PPA2: variants seen among roughly 807,000 people sequenced by gnomAD.
PPA2 encodes the protein inorganic pyrophosphatase 2.
A neutral mutation model predicts 49.5 loss-of-function variants in PPA2; 48 were observed. That is an observed-to-expected ratio of 0.97 (90% confidence interval 0.77 to 1.23). The LOEUF is 1.23. Among genes scored for constraint, PPA2 ranks in the 50% most tolerant of loss-of-function variants. The pLI is 0.00. For missense variants in PPA2, 429 were observed against 410.1 expected, an observed-to-expected ratio of 1.05 and a Z score of -0.40; for synonymous variants, 131 against 139.9, an observed-to-expected ratio of 0.94 and a Z score of 0.45.
At chr4:105,401,685 G>T (rs1456226653) in intron 7 of PPA2, among the ~76,000 whole-genome samples, 2 of 152,144 alleles carry the variant, frequency 1.3e-5, no homozygotes, top group Non-Finnish European at 2.9e-5. Flanking sequence ...ATCCAATAAA[G>T]TTAGGATAAT....
At chr4:105,387,193 T>C (rs953342424) in intron 9 of PPA2, among the ~76,000 whole-genome samples, 1 of 152,126 alleles carries the variant, frequency 6.6e-6, no homozygotes, top group Non-Finnish European at 1.5e-5. Flanking sequence ...TCAAAAGCCT[T>C]TCCTATACCT....
At position 105,424,185 on chromosome 4, in the gene PPA2, AACAGT is replaced by A; in HGVS notation, c.655+6_655+10del. 6.3e-7 allele frequency: 1 copy of A among 1,596,750 alleles called. No homozygotes were observed. The highest frequency in any genetic ancestry group is 8.5e-7 in the Non-Finnish European group (1 of 1,176,078). On this transcript the variant is annotated splice_donor_region_variant and intron_variant, in intron 7 of 11. Coordinates refer to ENST00000341695, the MANE Select transcript of PPA2 (RefSeq NM_176869.3). ...AATTTGCTTTCACTTTCTGGAAAGT[AACAGT>A]CTTACCATGAAACTTTGAGGCTTCA...
intron 7 of PPA2, among the ~76,000 whole-genome samples, chr4:105,418,050 G>A (rs1723091168): frequency 6.6e-6 from 1 of 152,158 alleles, no homozygotes; most frequent in South Asian, 2.1e-4. Flanking sequence ...GTTGTGTGAA[G>A]ATTAAACATA....
intron 1 of PPA2, among the ~76,000 whole-genome samples, chr4:105,472,898 T>C (rs1445157055): frequency 1.3e-5 from 2 of 152,230 alleles, no homozygotes; most frequent in Non-Finnish European, 2.9e-5. Flanking sequence ...TGTCATGTAA[T>C]ACTTGCAGCC....
rs1734139497 is a variant in PPA2, at chr4:105,396,269, A to G, written c.849T>C (p.Cys283=). 6.3e-7 allele frequency: 1 copy of G among 1,592,144 alleles called. No individual in the cohort carries two copies. The highest frequency in any genetic ancestry group is 8.6e-7 in the Non-Finnish European group (1 of 1,167,828). ...QCWKALLMKK[C]NGGAINCTNV... is the part of the protein sequence containing the mutation. ...CTTACCAATTTATAGCTCCTCCATT[A>G]CACTTCTTCATAAGCAATGCTTTCC... Residue 283 remains cysteine (C), a synonymous_variant, in exon 9 of 12, where the codon TGT becomes TGC. Transcript: ENST00000341695.
intron 6 of PPA2, among the ~76,000 whole-genome samples, chr4:105,437,360 A>G (rs1335362684): frequency 1.3e-5 from 2 of 152,174 alleles, no homozygotes; most frequent in Admixed American, 1.3e-4. Context: ...CAATAAACGT[A>G]GTAGAAAATA....
At chr4:105,420,212 TCTGC>T in intron 7 of PPA2, among the ~76,000 whole-genome samples, 1 of 152,300 alleles carries the variant, frequency 6.6e-6, no homozygotes, top group Non-Finnish European at 1.5e-5. Flanking sequence ...CCTCAGGTGA[TCTGC>T]CTGCCTTGGC....
At chr4:105,377,116 T>C (rs902062528) in intron 10 of PPA2, among the ~76,000 whole-genome samples, 25 of 152,266 alleles carry the variant, frequency 1.6e-4, no homozygotes, top group African/African-American at 5.5e-4. Context: ...TTAAAGTCTC[T>C]GAAAGTAGGA....
At chr4:105,462,049 T>G (rs1242148778) in intron 1 of PPA2, among the ~76,000 whole-genome samples, 5 of 152,250 alleles carry the variant, frequency 3.3e-5, no homozygotes. Flanking sequence ...AAGGTGGATT[T>G]AAAGATATGT....
chr4:105,460,274 T>G (rs1454854912), intron 1 of PPA2, among the ~76,000 whole-genome samples: 1 of 152,168 alleles, frequency 6.6e-6, no homozygotes, highest in African/African-American at 2.4e-5. Flanking sequence ...TGTAAGTAAT[T>G]CAAAGAGGAT....
chr4:105,377,318 C>A (rs1268352058), intron 10 of PPA2, among the ~76,000 whole-genome samples: 1 of 152,122 alleles, frequency 6.6e-6, no homozygotes, highest in Non-Finnish European at 1.5e-5. Context: ...GACAATAAAA[C>A]CCAACATTTA....
chr4:105,402,303 A>T (rs576285414), intron 7 of PPA2, among the ~76,000 whole-genome samples: 29 of 152,252 alleles, frequency 1.9e-4, no homozygotes, highest in Admixed American at 1.9e-3. Context: ...AAACATTAGG[A>T]GGAAAAAAAC....
intron 1 of PPA2, among the ~76,000 whole-genome samples, chr4:105,462,660 T>C (rs1723140982): frequency 6.6e-6 from 1 of 152,244 alleles, no homozygotes; most frequent in Non-Finnish European, 1.5e-5. Context: ...TTCCACCAAA[T>C]ATATTGATAT....
chr4:105,424,484 C>G (rs1447192142), intron 6 of PPA2, among the ~76,000 whole-genome samples, 162 bp from the exon 7 acceptor site: 1 of 151,214 alleles, frequency 6.6e-6, no homozygotes, highest in Non-Finnish European at 1.5e-5. Flanking sequence ...TTGCAATGTC[C>G]CTTTAGAGTT....
chr4:105,401,851 T>C (rs546032583), intron 7 of PPA2, among the ~76,000 whole-genome samples: 1 of 152,338 alleles, frequency 6.6e-6, no homozygotes, highest in South Asian at 2.1e-4. Context: ...TGTTCACATA[T>C]TATGTATGCT....
intron 10 of PPA2, among the ~76,000 whole-genome samples, chr4:105,375,928 T>G (rs1733231294): frequency 6.6e-6 from 1 of 152,208 alleles, no homozygotes; most frequent in Admixed American, 6.5e-5. Context: ...GGTTATTTTC[T>G]TATTAAAATG....
chr4:105,413,611 C>A (rs891728082), intron 7 of PPA2, among the ~76,000 whole-genome samples: 1 of 152,074 alleles, frequency 6.6e-6, no homozygotes, highest in African/African-American at 2.4e-5. Flanking sequence ...ATCACTGACA[C>A]CATATAGAAT....
intron 7 of PPA2, among the ~76,000 whole-genome samples, chr4:105,408,280 A>G (rs763107601): frequency 6.6e-6 from 1 of 152,188 alleles, no homozygotes; most frequent in African/African-American, 2.4e-5. Context: ...TATATATAAG[A>G]AAGGGTGAAA....
chr4:105,369,897 A>C (rs1732955300), intron 11 of PPA2, 144 bp from the exon 12 acceptor site: 1 of 736,472 alleles, frequency 1.4e-6, no homozygotes, highest in Non-Finnish European at 2.3e-6. Context: ...GCATTTCTCT[A>C]TTTAAAGCTA....
Sources: gnomAD v4.1 joint callset for allele counts (sites outside exome capture counted in the v4.1 genomes callset) on GRCh38, gnomAD v4.1.1 for gene constraint, MANE v1.5 for transcripts, NCBI Gene and HGNC (gene_info 2026-07-23, HGNC 2026-07-21) for gene names.